DRG1: variants seen among roughly 807,000 people sequenced by gnomAD.
DRG1 encodes the protein developmentally regulated GTP binding protein 1, also known as developmentally-regulated GTP-binding protein 1.
In DRG1, 19 loss-of-function variants were observed where a neutral mutation model predicts 38.8. That is an observed-to-expected ratio of 0.49 (90% CI 0.34 to 0.72). The LOEUF is 0.72. Ranked by LOEUF, DRG1 falls within the 30% of genes least tolerant of loss-of-function variation. DRG1 has a pLI of 0.01. For missense variants in DRG1, 299 were observed against 444.8 expected (o/e 0.67, Z 2.95); for synonymous variants, 167 against 157.5 (o/e 1.06, Z -0.45).
intron 8 of DRG1, among the ~76,000 whole-genome samples, chr22:31,430,365 T>C (rs956922991): frequency 6.6e-6 from 1 of 152,152 alleles, no homozygotes; most frequent in Admixed American, 6.5e-5. Flanking sequence ...TACTGTTATC[T>C]CTGATTCTAG....
intron 3 of DRG1, among the ~76,000 whole-genome samples, chr22:31,410,669 T>C (rs1311844692): frequency 6.6e-6 from 1 of 151,922 alleles, no homozygotes; most frequent in Non-Finnish European, 1.5e-5. Flanking sequence ...CAAAAAAGTT[T>C]GCCAGCGTGG....
intron 7 of DRG1, 131 bp downstream of exon 7, chr22:31,426,913 C>A: frequency 6.7e-7 from 1 of 1,484,652 alleles, no homozygotes; most frequent in Non-Finnish European, 9.1e-7. Flanking sequence ...CTATTATCTA[C>A]TAGGTCATTA....
chr22:31,407,875 C>G (rs1324611673), intron 3 of DRG1, among the ~76,000 whole-genome samples: 2 of 151,238 alleles, frequency 1.3e-5, no homozygotes, highest in Non-Finnish European at 2.9e-5. Flanking sequence ...AATCCCAGCA[C>G]TTTGGGAGGC....
intron 7 of DRG1, 42 bp from the exon 8 acceptor site, chr22:31,427,018 T>C: frequency 6.2e-7 from 1 of 1,611,354 alleles, no homozygotes; most frequent in Non-Finnish European, 8.5e-7. Context: ...ACACATGAGA[T>C]AGTCTAAGAA....
intron 7 of DRG1, 63 bp from the exon 8 acceptor site, chr22:31,426,997 C>G (rs1283153519): frequency 3.7e-6 from 6 of 1,601,718 alleles, no homozygotes; most frequent in Non-Finnish European, 5.1e-6. Flanking sequence ...TGGAGGGTTG[C>G]TATACATTCA....
intron 4 of DRG1, among the ~76,000 whole-genome samples, chr22:31,418,882 C>T (rs995906880): frequency 1.2e-4 from 18 of 152,170 alleles, no homozygotes; most frequent in South Asian, 4.1e-4. Flanking sequence ...GGGGTTTTAC[C>T]ATGTTGGCCG....
chr22:31,417,286 G>A (rs184240649), intron 4 of DRG1, among the ~76,000 whole-genome samples: 1,780 of 151,904 alleles, frequency 0.012, 12 homozygotes, highest in Middle Eastern at 0.027. Flanking sequence ...CAGGAGAATC[G>A]CTTAAACCTG....
At chr22:31,424,496 T>C (rs1363131452) in intron 6 of DRG1, among the ~76,000 whole-genome samples, 1 of 134,044 alleles carries the variant, frequency 7.5e-6, no homozygotes, top group Non-Finnish European at 1.6e-5. Context: ...TTCTTTTTTT[T>C]TTTTTTTTTT....
chr22:31,428,251 G>A (rs868588167), intron 8 of DRG1, among the ~76,000 whole-genome samples: 39 of 151,092 alleles, frequency 2.6e-4, no homozygotes, highest in African/African-American at 6.6e-4. Flanking sequence ...TCGCTGTGTC[G>A]CCCAGGCTGG....
At position 31,420,145 on chromosome 22, in the gene DRG1, A is replaced by G. The variant is rs1156530686; in HGVS notation, c.413-111A>G. ...TCACGTATGCATGTATGTATTACAG[A>G]AAAATCCTTTGACACTTAAATGTAG... On this transcript the variant is annotated intron_variant, in intron 4 of 8. Transcript: ENST00000331457. 2.4e-6 allele frequency: 3 copies of G among 1,250,196 alleles called. No individual in the cohort carries two copies. The African/African-American group carries it at 4.5e-5, about 19-fold the overall frequency. The allele number at this position is 1,250,196 out of a possible 1,614,324, so 77.4% of individuals were successfully genotyped here. A position where few individuals can be genotyped will look rare whatever the true frequency, so the allele number is the denominator to read the frequency against.
In DRG1 at chr22:31,426,603, C is replaced by T. The variant is rs775872957; in HGVS notation, c.714-12C>T. On this transcript the variant is annotated splice_polypyrimidine_tract_variant and intron_variant, in intron 6 of 8. Coordinates refer to ENST00000331457, the MANE Select transcript of DRG1 (RefSeq NM_004147.4). ...TCCAGACTAATACCCTGTTTTTCTTCACTTTCTGTAGAGTTTATATCCCCT... is the reference window on the plus strand; with the variant it reads ...TCCAGACTAATACCCTGTTTTTCTTTACTTTCTGTAGAGTTTATATCCCCT... 45 of 1,599,930 alleles carry T rather than the reference C, an allele frequency of 2.8e-5. 2 individuals carry two copies. The Middle Eastern group carries it at 6.5e-3, about 233-fold the overall frequency.
intron 2 of DRG1, among the ~76,000 whole-genome samples, 197 bp from the exon 3 acceptor site, chr22:31,402,832 A>C (rs1339539481): frequency 6.6e-6 from 1 of 151,990 alleles, no homozygotes; most frequent in African/African-American, 2.4e-5. Context: ...GTTTTTTTAT[A>C]TCAAACACTG....
chr22:31,415,640 G>A (rs1046419193), intron 4 of DRG1, among the ~76,000 whole-genome samples: 3 of 152,118 alleles, frequency 2.0e-5, no homozygotes, highest in Admixed American at 6.6e-5. Flanking sequence ...GAGATTACAG[G>A]TGTGAGCACC....
chr22:31,404,473 C>G (rs1569045092), intron 3 of DRG1, among the ~76,000 whole-genome samples: 1 of 151,982 alleles, frequency 6.6e-6, no homozygotes, highest in Non-Finnish European at 1.5e-5. Context: ...AACTCCTGAC[C>G]TCATGATCCT....
intron 8 of DRG1, among the ~76,000 whole-genome samples, chr22:31,431,681 A>T (rs1001902581): frequency 1.3e-5 from 2 of 152,132 alleles, no homozygotes; most frequent in African/African-American, 4.8e-5. Flanking sequence ...AAAACCAACC[A>T]AAGAAAGAAA....
intron 3 of DRG1, among the ~76,000 whole-genome samples, chr22:31,408,122 C>A (rs2049999282): frequency 7.8e-6 from 1 of 128,304 alleles, no homozygotes; most frequent in Non-Finnish European, 1.6e-5. Flanking sequence ...CGAGACTCCC[C>A]TTTTTTTCCT....
intron 3 of DRG1, among the ~76,000 whole-genome samples, chr22:31,408,751 T>TC (rs2050002958): frequency 3.6e-5 from 1 of 27,808 alleles, no homozygotes; most frequent in Non-Finnish European, 8.3e-5. Context: ...AGACTCATTC[T>TC]CAAAAAAAAA....
At position 31,420,393 on chromosome 22, in the gene DRG1, A is replaced by G. The variant is rs907638353; in HGVS notation, c.550A>G (p.Lys184Glu). Residue 184 changes from lysine to glutamate, a missense_variant, in exon 5 of 9, where the codon AAG becomes GAG. By Grantham distance (56) the Lys-to-Glu change is moderately conservative (BLOSUM62 1). Coordinates refer to ENST00000331457, the MANE Select transcript of DRG1 (RefSeq NM_004147.4). ...SKPPNIGFKK[K>E]DKGGINLTAT... ...ACCCCCCAACATTGGCTTTAAGAAG[A>G]AGGACAAGGGAGGCATTAATCTCAC... is the stretch of plus-strand genomic sequence containing the variant. 5 of 1,614,196 alleles carry G rather than the reference A, an allele frequency of 3.1e-6. No individual in the cohort carries two copies. Among genetic ancestry groups the G allele is most frequent in the Non-Finnish European group, 4.2e-6 (5 of 1,180,040 alleles).
chr22:31,429,697 A>G (rs2050129260), intron 8 of DRG1, among the ~76,000 whole-genome samples: 2 of 151,438 alleles, frequency 1.3e-5, no homozygotes, highest in Non-Finnish European at 2.9e-5. Flanking sequence ...TCCAAGCCGG[A>G]GTGCAGTGGC....
Sources: allele counts gnomAD v4.1 joint callset (sites outside exome capture counted in the v4.1 genomes callset), GRCh38; gene constraint gnomAD v4.1.1; transcripts MANE v1.5; gene names NCBI Gene and HGNC (gene_info 2026-07-23, HGNC 2026-07-21).